The following MACROD2 variants were observed in gnomAD, a reference collection of about 807,000 sequenced individuals.
The protein encoded by MACROD2 is mono-ADP ribosylhydrolase 2.
In MACROD2, 36 loss-of-function variants were observed where a neutral mutation model predicts 70.4. That is an observed-to-expected ratio of 0.51 (90% CI 0.39 to 0.68). The LOEUF (loss-of-function observed/expected upper bound fraction) is 0.68. Among genes scored for constraint, MACROD2 ranks in the 30% least tolerant of loss-of-function variants. The pLI is 0.00. For synonymous variants in MACROD2, 172 were observed against 178.8 expected, an observed-to-expected ratio of 0.96 and a Z score of 0.30; for missense variants, 496 against 538.4, an observed-to-expected ratio of 0.92 and a Z score of 0.78.
At chr20:14,647,221 A>C (rs1985443239) in intron 4 of MACROD2, among the ~76,000 whole-genome samples, 1 of 152,122 alleles carries the variant, frequency 6.6e-6, no homozygotes, top group Non-Finnish European at 1.5e-5. Flanking sequence ...ATTTGTGTAA[A>C]AAGAACATAC....
chr20:14,955,291 A>AATATAATTTTTATTATATATAGTTT (rs2074525759), intron 5 of MACROD2, among the ~76,000 whole-genome samples: 2 of 111,158 alleles, frequency 1.8e-5, no homozygotes, highest in Admixed American at 9.8e-5. Flanking sequence ...TAGTTTATAT[A>AATATAATTTTTATTATATATAGTTT]ATATAATATA....
chr20:15,193,769 T>C (rs2076587145), intron 5 of MACROD2, among the ~76,000 whole-genome samples: 1 of 151,688 alleles, frequency 6.6e-6, no homozygotes, highest in Admixed American at 6.6e-5. Flanking sequence ...TCTCCTACTC[T>C]CACAGCCCTC....
chr20:14,684,812 A>G (rs1255716126), intron 4 of MACROD2, 31 bp from the exon 5 acceptor site: 2 of 1,565,678 alleles, frequency 1.3e-6, no homozygotes, highest in African/African-American at 2.7e-5. Flanking sequence ...CAAATGCCAA[A>G]TATAAGCTAA....
intron 8 of MACROD2, among the ~76,000 whole-genome samples, chr20:15,793,714 A>C (rs145603131): frequency 1.7e-4 from 26 of 150,760 alleles, no homozygotes; most frequent in African/African-American, 6.0e-4. Flanking sequence ...TCCTTGTATC[A>C]TAATTTGAAC....
intron 2 of MACROD2, among the ~76,000 whole-genome samples, chr20:14,065,742 C>T (rs1430513322): frequency 6.6e-6 from 1 of 152,196 alleles, no homozygotes; most frequent in African/African-American, 2.4e-5. Flanking sequence ...TAGTAAGCGA[C>T]AGAGTTGAGA....
At chr20:15,597,877 G>A (rs1223914470) in intron 8 of MACROD2, among the ~76,000 whole-genome samples, 1 of 152,192 alleles carries the variant, frequency 6.6e-6, no homozygotes, top group Non-Finnish European at 1.5e-5. Context: ...TCAGGAGTTT[G>A]AGACCAGCCT....
At chr20:15,283,709 GA>G (rs1352462916) in intron 6 of MACROD2, among the ~76,000 whole-genome samples, 1 of 149,984 alleles carries the variant, frequency 6.7e-6, no homozygotes, top group African/African-American at 2.5e-5. Context: ...AAACAAAAAA[GA>G]AAAAGAAAAA....
chr20:15,078,759 G>A lies in MACROD2; in HGVS notation c.419-151181G>A, dbSNP rs548879602. ...ACTCCTGGGTTCAAGCGATTCTCCT[G>A]TCTCAGCCTCTCGAGTAGCTGGGAC... On this transcript the variant is annotated intron_variant, in intron 5 of 17. Transcript: ENST00000684519. Among the ~76,000 whole-genome samples the A allele has an allele frequency of 6.2e-5, 9 of 145,108 alleles. No homozygotes were observed. In the East Asian group the frequency reaches 1.7e-3, roughly 27 times the overall value.
chr20:14,702,693 A>T (rs1475129748), intron 5 of MACROD2, among the ~76,000 whole-genome samples: 2 of 139,412 alleles, frequency 1.4e-5, no homozygotes, highest in African/African-American at 5.3e-5. Context: ...ATGTGTATAT[A>T]TATGTATATA....
At chr20:14,589,160 T>C (rs1485044271) in intron 4 of MACROD2, among the ~76,000 whole-genome samples, 1 of 152,134 alleles carries the variant, frequency 6.6e-6, no homozygotes, top group Non-Finnish European at 1.5e-5. Context: ...TCATGGATTT[T>C]TCTCTTGTTT....
At chr20:14,186,417 A>G (rs991331856) in intron 3 of MACROD2, among the ~76,000 whole-genome samples, 1 of 152,168 alleles carries the variant, frequency 6.6e-6, no homozygotes, top group African/African-American at 2.4e-5. Flanking sequence ...ACCATCTCAC[A>G]CCAGTCAGAA....
intron 15 of MACROD2, among the ~76,000 whole-genome samples, chr20:16,035,144 T>C (rs375016027): frequency 3.6e-3 from 144 of 40,318 alleles, no homozygotes; most frequent in South Asian, 0.016. Flanking sequence ...TATTATATAT[T>C]ATATATAAAA....
At chr20:14,825,526 A>G (rs1452091110) in intron 5 of MACROD2, among the ~76,000 whole-genome samples, 1 of 152,148 alleles carries the variant, frequency 6.6e-6, no homozygotes, top group African/African-American at 2.4e-5. Context: ...AAAAAAAAAT[A>G]TAGGTCATGC....
At chr20:14,803,749 G>A (rs1417980979) in intron 5 of MACROD2, among the ~76,000 whole-genome samples, 1 of 152,028 alleles carries the variant, frequency 6.6e-6, no homozygotes, top group Admixed American at 6.6e-5. Flanking sequence ...CCAAAGTGCT[G>A]GGATTACAGG....
intron 5 of MACROD2, among the ~76,000 whole-genome samples, chr20:15,106,182 T>A (rs2123207693): frequency 6.6e-6 from 1 of 152,300 alleles, no homozygotes; most frequent in South Asian, 2.1e-4. Context: ...TAATCTCACC[T>A]TTATAGCATG....
intron 8 of MACROD2, among the ~76,000 whole-genome samples, chr20:15,773,676 G>A (rs1188991159): frequency 1.3e-5 from 2 of 152,118 alleles, no homozygotes; most frequent in South Asian, 2.1e-4. Context: ...ACTTCAAGCA[G>A]TGTTTATAGT....
chr20:14,391,143 A>G (rs375548632), intron 3 of MACROD2, among the ~76,000 whole-genome samples: 1 of 152,324 alleles, frequency 6.6e-6, no homozygotes, highest in East Asian at 1.9e-4. Context: ...CCAAAATATC[A>G]GTTGTTCTGT....
chr20:14,413,135 G>A (rs1431766466), intron 3 of MACROD2, among the ~76,000 whole-genome samples: 2 of 151,142 alleles, frequency 1.3e-5, no homozygotes, highest in Non-Finnish European at 2.9e-5. Context: ...AGCTATTAAA[G>A]GGTTGAGCTG....
chr20:15,408,857 T>C (rs1568784854), intron 6 of MACROD2, among the ~76,000 whole-genome samples: 1 of 152,224 alleles, frequency 6.6e-6, no homozygotes, highest in Admixed American at 6.5e-5. Context: ...AACACGTTGA[T>C]TTGTGAAAAT....
Sources: allele counts gnomAD v4.1 joint callset (sites outside exome capture counted in the v4.1 genomes callset), GRCh38; gene constraint gnomAD v4.1.1; transcripts MANE v1.5; gene names NCBI Gene and HGNC (gene_info 2026-07-23, HGNC 2026-07-21).